KAT2B: variants seen among roughly 807,000 people sequenced by gnomAD.
KAT2B encodes histone acetyltransferase KAT2B.
Under a neutral mutation model 105.9 loss-of-function variants are expected in KAT2B, and 36 were observed. That is an observed-to-expected ratio of 0.34 (90% CI 0.26 to 0.45). KAT2B has a LOEUF of 0.45. KAT2B is among the 20% of genes least tolerant of loss of function. The pLI is 1.00. For missense variants in KAT2B, 820 were observed against 1,021.6 expected (o/e 0.80, Z 2.69); for synonymous variants, 397 against 377.9 (o/e 1.05, Z -0.59).
intron 2 of KAT2B, among the ~76,000 whole-genome samples, chr3:20,089,559 C>T (rs1348048317): frequency 6.6e-6 from 1 of 151,940 alleles, no homozygotes; most frequent in Admixed American, 6.6e-5. Flanking sequence ...CGCCACCATG[C>T]CCGGCTAATT....
chr3:20,052,139 C>T (rs1697926285), intron 1 of KAT2B, among the ~76,000 whole-genome samples: 1 of 152,230 alleles, frequency 6.6e-6, no homozygotes, highest in African/African-American at 2.4e-5. Context: ...CTCAAAGCCT[C>T]ATTCCAGTCT....
At chr3:20,074,409 C>G (rs558736838) in intron 2 of KAT2B, among the ~76,000 whole-genome samples, 2 of 152,204 alleles carry the variant, frequency 1.3e-5, no homozygotes, top group African/African-American at 4.8e-5. Context: ...TCTGCCTGGA[C>G]CTCAGTTTTT....
chr3:20,057,992 GA>G (rs1448913844), intron 1 of KAT2B, among the ~76,000 whole-genome samples: 6 of 152,194 alleles, frequency 3.9e-5, no homozygotes, highest in African/African-American at 1.4e-4. Context: ...AGTAACCATG[GA>G]GAGCATAGAT....
intron 6 of KAT2B, among the ~76,000 whole-genome samples, chr3:20,113,437 C>T (rs1483429357): frequency 6.6e-6 from 1 of 152,136 alleles, no homozygotes; most frequent in Non-Finnish European, 1.5e-5. Context: ...CATTTTGCTT[C>T]TTGCAGGTAT....
At chr3:20,040,955 A>G (rs1439046785) in intron 1 of KAT2B, among the ~76,000 whole-genome samples, 175 bp downstream of exon 1, 1 of 151,832 alleles carries the variant, frequency 6.6e-6, no homozygotes, top group Admixed American at 6.6e-5. Context: ...TTCTTCTTGG[A>G]TAAGAGTCCT....
intron 2 of KAT2B, 47 bp downstream of exon 2, chr3:20,072,506 G>T: frequency 6.3e-7 from 1 of 1,578,414 alleles, no homozygotes; most frequent in East Asian, 2.2e-5. Flanking sequence ...TCATTGTAGC[G>T]TGAGACTCTT....
At position 20,070,453 on chromosome 3, in the gene KAT2B, T is replaced by C. The variant is rs1370537372; in HGVS notation, c.304-1880T>C. The stretch of plus-strand genomic sequence containing the variant: ...CTGAGTAGCTGGGACTACAGGCGCC[T>C]GCCACCACGCCCGGCTAATTTTTTG... On this transcript the variant is annotated intron_variant, in intron 1 of 17. Coordinates refer to ENST00000263754, the MANE Select transcript of KAT2B (RefSeq NM_003884.5). Among the ~76,000 whole-genome samples the C allele has an allele frequency of 6.6e-5, 10 of 151,278 alleles. No individual in the cohort carries two copies. The East Asian group carries it at 8.1e-4, about 12-fold the overall frequency.
At chr3:20,044,211 T>C (rs1697766910) in intron 1 of KAT2B, among the ~76,000 whole-genome samples, 1 of 151,850 alleles carries the variant, frequency 6.6e-6, no homozygotes, top group African/African-American at 2.4e-5. Context: ...CCAGGCGCAG[T>C]GGCTCAGACC....
intron 5 of KAT2B, among the ~76,000 whole-genome samples, chr3:20,103,294 A>T (rs1191599364): frequency 1.3e-5 from 2 of 152,246 alleles, no homozygotes; most frequent in Non-Finnish European, 2.9e-5. Flanking sequence ...TATTTGTCAA[A>T]GCCAGGGCCC....
At chr3:20,137,384 A>AAC (rs879635547) in intron 12 of KAT2B, among the ~76,000 whole-genome samples, 3 of 152,206 alleles carry the variant, frequency 2.0e-5, no homozygotes, top group Non-Finnish European at 4.4e-5. Flanking sequence ...GAATGAGAAA[A>AAC]ACAGATTCAG....
chr3:20,059,906 C>A lies in KAT2B; in HGVS notation c.304-12427C>A, dbSNP rs75824895. Among the ~76,000 whole-genome samples, 1,520 of 152,236 alleles carry A rather than the reference C, an allele frequency of 1.0e-2. 26 individuals are homozygous for A. Among genetic ancestry groups the A allele is most frequent in the African/African-American group, 0.034 (1,423 of 41,538 alleles). On this transcript the variant is annotated intron_variant, in intron 1 of 17. Transcript: ENST00000263754. ...TACAGTTAACCCTGTTCCTACCCCC[C>A]ACCCCAGATGACCACTAATCTTTCT...
chr3:20,065,093 G>A (rs1033768747), intron 1 of KAT2B, among the ~76,000 whole-genome samples: 4 of 152,128 alleles, frequency 2.6e-5, no homozygotes, highest in Non-Finnish European at 5.9e-5. Context: ...TAACAACATC[G>A]GTTGCATACT....
chr3:20,093,611 G>A (rs993503099), intron 2 of KAT2B, among the ~76,000 whole-genome samples: 5 of 152,194 alleles, frequency 3.3e-5, no homozygotes, highest in Non-Finnish European at 5.9e-5. Flanking sequence ...ACTGACCTGT[G>A]TCCAGCACCT....
intron 1 of KAT2B, among the ~76,000 whole-genome samples, chr3:20,044,769 G>A (rs950211964): frequency 6.6e-6 from 1 of 152,028 alleles, no homozygotes; most frequent in Admixed American, 6.6e-5. Context: ...ACTCTTCCTG[G>A]TGCTTATATT....
chr3:20,147,356 GT>G (rs72120274), intron 14 of KAT2B, among the ~76,000 whole-genome samples: 2,900 of 141,980 alleles, frequency 0.02, 97 homozygotes, highest in African/African-American at 0.07. Flanking sequence ...ATCTGTTTTT[GT>G]TTTTTTTTTT....
At chr3:20,077,758 C>T (rs1240969841) in intron 2 of KAT2B, among the ~76,000 whole-genome samples, 1 of 152,126 alleles carries the variant, frequency 6.6e-6, no homozygotes, top group East Asian at 1.9e-4. Flanking sequence ...TTGGGATTGG[C>T]ACAATAATAT....
rs957165720 is a variant in KAT2B at position 20,129,028 on chromosome 3, A to G, written c.1749+1479A>G. Among the ~76,000 whole-genome samples the G allele has an allele frequency of 4.6e-4, 69 of 151,396 alleles. No homozygotes were observed. In the Middle Eastern group the frequency reaches 0.014, roughly 30 times the overall value. The stretch of plus-strand genomic sequence containing the variant: ...ATCTCAAAAAAAAAAAAAAAAAAAA[A>G]AGAATGTTATTCATTTAGGATTTTC... On this transcript the variant is annotated intron_variant, in intron 11 of 17. Coordinates refer to ENST00000263754, the MANE Select transcript of KAT2B (RefSeq NM_003884.5).
At chr3:20,075,373 A>G (rs1698399945) in intron 2 of KAT2B, among the ~76,000 whole-genome samples, 1 of 151,952 alleles carries the variant, frequency 6.6e-6, no homozygotes, top group African/African-American at 2.4e-5. Flanking sequence ...TCACTCACCA[A>G]GCAATTCTCC....
chr3:20,130,921 C>T (rs1315226503), intron 11 of KAT2B, among the ~76,000 whole-genome samples: 2 of 147,436 alleles, frequency 1.4e-5, no homozygotes, highest in African/African-American at 2.5e-5. Flanking sequence ...TGTGTGCATG[C>T]GTGCGTGTGT....
Sources: gnomAD v4.1 joint callset for allele counts (sites outside exome capture counted in the v4.1 genomes callset) on GRCh38, gnomAD v4.1.1 for gene constraint, MANE v1.5 for transcripts, NCBI Gene and HGNC (gene_info 2026-07-23, HGNC 2026-07-21) for gene names.